TMEM94: variants seen among roughly 807,000 people sequenced by gnomAD.
TMEM94 encodes transmembrane protein 94.
Under a neutral mutation model 158.6 loss-of-function variants are expected in TMEM94, and 81 were observed. That is an observed-to-expected ratio of 0.51 (90% CI 0.43 to 0.61). The LOEUF (loss-of-function observed/expected upper bound fraction) is 0.61, where lower values mean the gene tolerates loss of function less well. Ranked by LOEUF, TMEM94 falls within the 20% of genes least tolerant of loss-of-function variation. TMEM94 has a pLI of 0.00. For missense variants in TMEM94, 1,435 were observed against 1,762.0 expected (o/e 0.81, Z 3.32); for synonymous variants, 751 against 730.7 (o/e 1.03, Z -0.45).
In TMEM94 at chr17:75,486,435, A is replaced by G. The variant is rs747021183; in HGVS notation, c.409+9A>G. On this transcript the variant is annotated intron_variant, in intron 5 of 31. Transcript: ENST00000314256. ...CATTGACCAAATCCAAGGTGAGGTC[A>G]AGGGCAGGCATATTGGTGGGAAAAG... is the stretch of plus-strand genomic sequence containing the variant. 28 of 1,614,076 alleles carry G rather than the reference A, an allele frequency of 1.7e-5. No individual in the cohort carries two copies. The highest frequency in any genetic ancestry group is 2.3e-5 in the Non-Finnish European group (27 of 1,180,032).
Position 75,495,124 on chromosome 17 carries a change from C to T in TMEM94, c.2728+90C>T. On this transcript the variant is annotated intron_variant, in intron 20 of 31. Coordinates refer to ENST00000314256, the MANE Select transcript of TMEM94 (RefSeq NM_014738.6). The surrounding 1 kb of genome is among the most constrained non-coding windows in gnomAD (Gnocchi z 5.6). ...AGCCAGGAAGAGCCTCCGGAGAGCC[C>T]TCCAGTTAAGTACATTCCCTTGGGA... is the stretch of plus-strand genomic sequence containing the variant. 1.3e-6 allele frequency: 2 copies of T among 1,537,722 alleles called. No homozygotes were observed. The highest frequency in any genetic ancestry group is 8.8e-7 in the Non-Finnish European group (1 of 1,134,852).
intron 1 of TMEM94, among the ~76,000 whole-genome samples, chr17:75,465,405 G>A (rs2050265764): frequency 6.6e-6 from 1 of 151,540 alleles, no homozygotes; most frequent in South Asian, 2.1e-4. Context: ...CTTGTGAAAT[G>A]TCTGTTCAAA....
Position 75,498,853 on chromosome 17 carries a change from G to A in TMEM94, c.3828-59G>A, listed in dbSNP as rs2053017462. The A allele has an allele frequency of 2.0e-6, 3 of 1,523,270 alleles. No homozygotes were observed. In the Admixed American group the frequency reaches 6.1e-5, roughly 31 times the overall value. The allele number at this position is 1,523,270 out of a possible 1,614,324, so 94.4% of individuals were successfully genotyped here. A position where few individuals can be genotyped will look rare whatever the true frequency, so the allele number is the denominator to read the frequency against. On this transcript the variant is annotated intron_variant, in intron 30 of 31. Coordinates refer to ENST00000314256, the MANE Select transcript of TMEM94 (RefSeq NM_014738.6). This position sits in a 1 kb window ranked among gnomAD's most constrained non-coding sequence, Gnocchi z 6.7. ...CTGCCTGAGCTAACTGTTGTACTGG[G>A]AAGAGCAGGGAAGGAAGCAAGCAGT...
At chr17:75,462,589 C>T (rs995763061) in intron 1 of TMEM94, among the ~76,000 whole-genome samples, 5 of 151,516 alleles carry the variant, frequency 3.3e-5, no homozygotes, top group African/African-American at 9.7e-5. Flanking sequence ...CACCTGTAAT[C>T]CCAGCACTTT....
chr17:75,493,331 C>G, intron 16 of TMEM94, 160 bp from the exon 17 acceptor site: 1 of 849,958 alleles, frequency 1.2e-6, no homozygotes. Flanking sequence ...CATTCCAAGC[C>G]CAGTGGCATT....
At chr17:75,466,567 G>A (rs2050313873) in intron 1 of TMEM94, among the ~76,000 whole-genome samples, 1 of 152,158 alleles carries the variant, frequency 6.6e-6, no homozygotes, top group Non-Finnish European at 1.5e-5. Flanking sequence ...TGTAATCCCA[G>A]CACTTTGGGA....
chr17:75,467,950 A>G (rs2050368254), intron 1 of TMEM94, among the ~76,000 whole-genome samples: 1 of 152,190 alleles, frequency 6.6e-6, no homozygotes, highest in Admixed American at 6.5e-5. Flanking sequence ...TACCTACTAT[A>G]TGTCAAATAT....
Position 75,489,309 on chromosome 17 carries a change from G to C in TMEM94, c.808G>C (p.Asp270His). 1 of 1,614,242 alleles carries C rather than the reference G, an allele frequency of 6.2e-7. No individual in the cohort carries two copies. The highest frequency in any genetic ancestry group is 8.5e-7 in the Non-Finnish European group (1 of 1,180,040). ...MALSRPVTAL[D>H]NERFTVQSVM... is the part of the protein sequence containing the mutation. ...CCTGTCCCGACCAGTCACTGCCCTG[G>C]ACAATGAGCGGTTCACAGTGCAGTC... Residue 270 changes from aspartate to histidine, a missense_variant, in exon 8 of 32, where the codon GAC becomes CAC. Physicochemically the swap from Asp to His is moderately conservative, Grantham distance 81. Transcript: ENST00000314256. This position sits in a 1 kb window ranked among gnomAD's most constrained non-coding sequence, Gnocchi z 5.0.
At position 75,499,259 on chromosome 17, in the gene TMEM94, C is replaced by T; in HGVS notation, c.3999-3C>T. 1.9e-6 allele frequency: 3 copies of T among 1,613,616 alleles called. No homozygotes were observed. Among genetic ancestry groups the T allele is most frequent in the South Asian group, 2.2e-5 (2 of 91,080 alleles). ...CCTGTACTTTAATCTCCTGCCCCAC[C>T]AGGGTCCGAGTCCGCTACCAGAAGC... On this transcript the variant is annotated splice_polypyrimidine_tract_variant and splice_region_variant and intron_variant, in intron 31 of 31. Coordinates refer to ENST00000314256, the MANE Select transcript of TMEM94 (RefSeq NM_014738.6).
intron 25 of TMEM94, 71 bp from the exon 26 acceptor site, chr17:75,497,042 G>A (rs2052765757): frequency 7.3e-7 from 1 of 1,362,972 alleles, no homozygotes; most frequent in Non-Finnish European, 1.1e-6. Flanking sequence ...GGGCAAGGGA[G>A]CTCGGGGGCT....
chr17:75,469,997 C>G (rs1169710099), intron 1 of TMEM94, among the ~76,000 whole-genome samples: 1 of 151,726 alleles, frequency 6.6e-6, no homozygotes, highest in East Asian at 2.0e-4. Flanking sequence ...CGCTTGAACC[C>G]AGGAGGCAGA....
At chr17:75,484,156 C>A (rs1405933274) in intron 2 of TMEM94, among the ~76,000 whole-genome samples, 1 of 152,244 alleles carries the variant, frequency 6.6e-6, no homozygotes, top group Non-Finnish European at 1.5e-5. Flanking sequence ...GAGTGTGCCT[C>A]TGCACAGTCC....
chr17:75,478,868 T>C (rs1479889705), intron 2 of TMEM94, among the ~76,000 whole-genome samples: 1 of 152,228 alleles, frequency 6.6e-6, no homozygotes, highest in Non-Finnish European at 1.5e-5. Context: ...GAGAATCTCA[T>C]GTCACCCTTG....
chr17:75,479,652 T>A (rs573354941), intron 2 of TMEM94, among the ~76,000 whole-genome samples: 1 of 151,512 alleles, frequency 6.6e-6, no homozygotes, highest in South Asian at 2.1e-4. Flanking sequence ...GTACAGTGGC[T>A]CACACCTGTA....
rs59878082 is a variant in TMEM94 at position 75,461,093 on chromosome 17, C to CTTT, written c.-107+4363_-107+4365dup. Among the ~76,000 whole-genome samples the CTTT allele has an allele frequency of 8.0e-3, 556 of 69,652 alleles. 12 individuals carry two copies. Among genetic ancestry groups the CTTT allele is most frequent in the African/African-American group, 0.025 (451 of 18,198 alleles). The allele number at this position is 69,652 out of a possible 152,430, so 45.7% of individuals were successfully genotyped here. Reference sequence around the variant, plus strand: ...ACAACATTTGTCCTTTTGCGATTGGCTTTTTTTTTTTTTTTTTTTTTTTGA... The same window carrying CTTT: ...ACAACATTTGTCCTTTTGCGATTGGCTTTTTTTTTTTTTTTTTTTTTTTTTTGA... On this transcript the variant is annotated intron_variant, in intron 1 of 31. Coordinates refer to ENST00000314256, the MANE Select transcript of TMEM94 (RefSeq NM_014738.6).
Position 75,485,469 on chromosome 17 carries a change from C to T in TMEM94, c.66C>T (p.Ala22=), listed in dbSNP as rs757549906. The change falls in exon 3 of 32, where the codon GCC becomes GCT. Residue 22 remains alanine, a synonymous_variant. Coordinates refer to ENST00000314256, the MANE Select transcript of TMEM94 (RefSeq NM_014738.6). This position sits in a 1 kb window ranked among gnomAD's most constrained non-coding sequence, Gnocchi z 5.5. ...PSALGLSTRK[A]LSVLKEQLEA... ...CCCTGGGCCTGTCCACGCGGAAGGC[C>T]CTCAGCGTCCTGAAGGAGCAGCTGG... 1 of 1,614,032 alleles carries T rather than the reference C, an allele frequency of 6.2e-7. No individual in the cohort carries two copies. Among genetic ancestry groups the T allele is most frequent in the Admixed American group, 1.7e-5 (1 of 60,014 alleles).
Position 75,495,365 on chromosome 17 carries a change from G to A in TMEM94, c.2810G>A (p.Ser937Asn). 3 of 1,613,962 alleles carry A rather than the reference G, an allele frequency of 1.9e-6. No individual in the cohort carries two copies. The highest frequency in any genetic ancestry group is 2.5e-6 in the Non-Finnish European group (3 of 1,179,990). ...CTCATCAGCTTCCAGCCTACGGACA[G>A]CGACATCCCCAGCTTCCTGGAGGAC... ...SDLISFQPTD[S>N]DIPSFLEDSN... The change falls in exon 21 of 32, where the codon AGC (serine) becomes AAC (asparagine). Residue 937 changes from serine (S) to asparagine (N), a missense_variant. Ser to Asn is a conservative substitution (Grantham distance 46, BLOSUM62 1). Transcript: ENST00000314256. This position sits in a 1 kb window ranked among gnomAD's most constrained non-coding sequence, Gnocchi z 5.6.
chr17:75,479,403 G>A (rs908672269), intron 2 of TMEM94, among the ~76,000 whole-genome samples: 3 of 151,978 alleles, frequency 2.0e-5, no homozygotes, highest in African/African-American at 4.8e-5. Context: ...CACTGCAACC[G>A]CCGCCTCCTG....
At position 75,500,451 on chromosome 17, in the gene TMEM94, T is replaced by C. The variant is rs2053158570; in HGVS notation, c.*1117T>C. 6.5e-6 allele frequency: 1 copy of C among 152,912 alleles called. No individual in the cohort carries two copies. The highest frequency in any genetic ancestry group is 1.5e-5 in the Non-Finnish European group (1 of 68,532). The allele number at this position is 152,912 out of a possible 1,614,324, so 9.5% of individuals were successfully genotyped here. A position where few individuals can be genotyped will look rare whatever the true frequency, so the allele number is the denominator to read the frequency against. ...GATAGAATAAATTCCATTTAAAATA[T>C]ATGCATTTCTCTCTGCTTAGAAAAT... On this transcript the variant is annotated 3_prime_UTR_variant, in exon 32 of 32. Transcript: ENST00000314256.
Sources: gnomAD v4.1 joint callset for allele counts (sites outside exome capture counted in the v4.1 genomes callset) on GRCh38, gnomAD v4.1.1 for gene constraint, Gnocchi (gnomAD v3.1) non-coding constraint, MANE v1.5 for transcripts, NCBI Gene and HGNC (gene_info 2026-07-23, HGNC 2026-07-21) for gene names.